PIGK: variants seen among roughly 807,000 people sequenced by gnomAD.
The protein encoded by PIGK is GPI-anchor transamidase.
PIGK carries 42 observed loss-of-function variants against 50.6 expected under a neutral mutation model. That is an observed-to-expected ratio of 0.83 (90% CI 0.65 to 1.07). The LOEUF is 1.07. Among genes scored for constraint, PIGK ranks in the 50% least tolerant of loss-of-function variants. The probability of loss-of-function intolerance (pLI) is 0.00; values close to 1 mark genes in which losing one functional copy is unlikely to be tolerated. For synonymous variants in PIGK, 151 were observed against 156.0 expected (o/e 0.97, Z 0.24); for missense variants, 448 against 488.7 (o/e 0.92, Z 0.78).
chr1:77,178,631 G>C (rs1655539243), intron 3 of PIGK, among the ~76,000 whole-genome samples: 1 of 152,092 alleles, frequency 6.6e-6, no homozygotes. Context: ...TAATCTATTT[G>C]ATTTTAGGTG....
intron 10 of PIGK, among the ~76,000 whole-genome samples, chr1:77,112,252 G>A (rs1172818287): frequency 8.0e-6 from 1 of 125,266 alleles, no homozygotes; most frequent in Non-Finnish European, 1.7e-5. Flanking sequence ...TTATCAGGAA[G>A]CACATTAAGG....
intron 9 of PIGK, among the ~76,000 whole-genome samples, chr1:77,127,911 AT>A (rs557628485): frequency 5.4e-4 from 83 of 152,336 alleles, no homozygotes; most frequent in Admixed American, 2.1e-3. Context: ...GCATTTTTAA[AT>A]GTTCATATAG....
intron 1 of PIGK, among the ~76,000 whole-genome samples, chr1:77,215,764 G>A (rs545442157): frequency 1.3e-5 from 2 of 152,240 alleles, no homozygotes; most frequent in Admixed American, 1.3e-4. Flanking sequence ...TCCATAAAAA[G>A]AATAAAATCC....
At chr1:77,196,635 A>G (rs1304106402) in intron 3 of PIGK, among the ~76,000 whole-genome samples, 1 of 151,976 alleles carries the variant, frequency 6.6e-6, no homozygotes, top group Non-Finnish European at 1.5e-5. Flanking sequence ...GTGTCTGTTT[A>G]TATCCTTTGC....
intron 1 of PIGK, among the ~76,000 whole-genome samples, chr1:77,215,123 T>C: frequency 6.6e-6 from 1 of 152,108 alleles, no homozygotes; most frequent in Middle Eastern, 3.2e-3. Flanking sequence ...ACCAATGATA[T>C]TCTTCACAGA....
At chr1:77,112,188 G>T (rs1057515322) in intron 10 of PIGK, among the ~76,000 whole-genome samples, 6 of 136,260 alleles carry the variant, frequency 4.4e-5, no homozygotes, top group Admixed American at 2.3e-4. Flanking sequence ...TATATAAAAT[G>T]TGACTTTTCT....
intron 8 of PIGK, among the ~76,000 whole-genome samples, chr1:77,156,184 G>A (rs1655004278): frequency 6.6e-6 from 1 of 152,114 alleles, no homozygotes; most frequent in Admixed American, 6.5e-5. Context: ...AAAGTCCCAA[G>A]AATACTGAAG....
intron 9 of PIGK, among the ~76,000 whole-genome samples, chr1:77,135,928 A>G (rs1403673121): frequency 6.6e-6 from 1 of 152,202 alleles, no homozygotes. Flanking sequence ...CATTATCATC[A>G]TAATTATAAA....
At chr1:77,141,475 A>G (rs858447) in intron 9 of PIGK, among the ~76,000 whole-genome samples, 31,771 of 152,090 alleles carry the variant, frequency 0.21, 4,589 homozygotes, top group African/African-American at 0.41. Flanking sequence ...TTCCCTTAGT[A>G]AAAGTACTTT....
At chr1:77,148,656 GT>G (rs2100547502) in intron 9 of PIGK, among the ~76,000 whole-genome samples, 1 of 151,770 alleles carries the variant, frequency 6.6e-6, no homozygotes, top group East Asian at 1.9e-4. Flanking sequence ...GTTTTGGTTT[GT>G]TTGTTTGCTT....
chr1:77,213,172 G>A (rs1446123798), intron 1 of PIGK, among the ~76,000 whole-genome samples: 5 of 152,042 alleles, frequency 3.3e-5, no homozygotes, highest in African/African-American at 9.7e-5. Context: ...TGATCCACCC[G>A]CCTCAGCCTC....
chr1:77,218,977 A>G (rs1359103086), intron 1 of PIGK, among the ~76,000 whole-genome samples: 1 of 152,156 alleles, frequency 6.6e-6, no homozygotes, highest in Non-Finnish European at 1.5e-5. Context: ...ATCAAAACAG[A>G]GGGCTGCAGT....
chr1:77,124,629 A>AC (rs1654186515), intron 9 of PIGK, among the ~76,000 whole-genome samples: 1 of 151,276 alleles, frequency 6.6e-6, no homozygotes, highest in South Asian at 2.1e-4. Context: ...ACAAAAAAAA[A>AC]AACACACACA....
intron 3 of PIGK, among the ~76,000 whole-genome samples, chr1:77,171,832 A>C (rs1298540437): frequency 6.6e-6 from 1 of 152,180 alleles, no homozygotes; most frequent in Non-Finnish European, 1.5e-5. Flanking sequence ...CATTTGATCC[A>C]AGTGTTAAAT....
In PIGK at chr1:77,177,149, G is replaced by A. The variant is rs1431337670; in HGVS notation, c.240-7754C>T. 2.6e-5 allele frequency among the ~76,000 whole-genome samples: 4 copies of A among 152,212 alleles called. No individual in the cohort carries two copies. In the South Asian group the frequency reaches 6.2e-4, roughly 24 times the overall value. On this transcript the variant is annotated intron_variant, in intron 3 of 10. Transcript: ENST00000370812. Reference sequence around the variant, plus strand: ...CATCCAAGTGGGCTGACGTTATAATGTAGACTATTATGCTACAGTGTATTT... The same window carrying A: ...CATCCAAGTGGGCTGACGTTATAATATAGACTATTATGCTACAGTGTATTT...
chr1:77,110,844 T>A (rs1256584632), intron 10 of PIGK, among the ~76,000 whole-genome samples: 3 of 151,926 alleles, frequency 2.0e-5, no homozygotes, highest in Non-Finnish European at 2.9e-5. Context: ...TGGGAGAAAA[T>A]TTTTGCAATC....
At chr1:77,161,430 T>C in intron 7 of PIGK, 25 bp from the exon 8 acceptor site, 2 of 1,259,080 alleles carry the variant, frequency 1.6e-6, no homozygotes, top group South Asian at 2.4e-5. Context: ...AAAAAAAGTA[T>C]TTCTAACAGT....
chr1:77,216,860 A>T (rs1385343323), intron 1 of PIGK, among the ~76,000 whole-genome samples: 1 of 152,130 alleles, frequency 6.6e-6, no homozygotes, highest in African/African-American at 2.4e-5. Context: ...CAAAGTTCTT[A>T]CTTCTTTCAG....
chr1:77,112,909 T>C (rs1463040169), intron 10 of PIGK, among the ~76,000 whole-genome samples: 1 of 152,104 alleles, frequency 6.6e-6, no homozygotes, highest in African/African-American at 2.4e-5. Context: ...ATGCCCCTAA[T>C]ACTATGGTTT....
Sources: gnomAD v4.1 joint callset for allele counts (sites outside exome capture counted in the v4.1 genomes callset) on GRCh38, gnomAD v4.1.1 for gene constraint, MANE v1.5 for transcripts, NCBI Gene and HGNC (gene_info 2026-07-23, HGNC 2026-07-21) for gene names.